PKP1: variants seen among roughly 807,000 people sequenced by gnomAD.
The protein encoded by PKP1 is plakophilin-1.
Under a neutral mutation model 76.4 loss-of-function variants are expected in PKP1, and 27 were observed. That is an observed-to-expected ratio of 0.35 (90% CI 0.26 to 0.49). The LOEUF is 0.49. Among genes scored for constraint, PKP1 ranks in the 20% least tolerant of loss-of-function variants. The pLI is 0.99. For synonymous variants in PKP1, 404 were observed against 384.2 expected (o/e 1.05, Z -0.60); for missense variants, 964 against 955.2 (o/e 1.01, Z -0.12).
intron 6 of PKP1, 73 bp downstream of exon 6, chr1:201,318,868 A>G (rs1656852687): frequency 7.7e-7 from 1 of 1,298,382 alleles, no homozygotes. Context: ...CATCTCAGCC[A>G]ACATTCAGCC....
At chr1:201,324,710 GAC>G in intron 10 of PKP1, 129 bp downstream of exon 10, 1 of 1,238,806 alleles carries the variant, frequency 8.1e-7, no homozygotes, top group Non-Finnish European at 1.2e-6. Context: ...GCTGGCCAAA[GAC>G]AGGTATGGAG....
chr1:201,306,847 GT>G (rs56249934), intron 2 of PKP1, among the ~76,000 whole-genome samples: 134,827 of 151,670 alleles, frequency 0.89, 60,395 homozygotes, highest in East Asian at 1. Flanking sequence ...GCTACTTTTT[GT>G]TTTTTTTGTA....
At chr1:201,297,465 G>T (rs1656108100) in intron 2 of PKP1, among the ~76,000 whole-genome samples, 1 of 152,158 alleles carries the variant, frequency 6.6e-6, no homozygotes, top group Admixed American at 6.5e-5. Flanking sequence ...CTGGTTCTCA[G>T]CACCAAACCT....
In PKP1 at chr1:201,297,335, T is replaced by G. The variant is rs79381519; in HGVS notation, c.306+3290T>G. On this transcript the variant is annotated intron_variant, in intron 2 of 13. Coordinates refer to ENST00000367324, the MANE Select transcript of PKP1 (RefSeq NM_001005337.3). ...AGAAGGATCTGCTGGAGGACAATGT[T>G]GGAACCTCAGAGCCCCACAGACCTC... Among the ~76,000 whole-genome samples the G allele has an allele frequency of 7.8e-3, 1,183 of 152,220 alleles. 6 individuals carry two copies. Among genetic ancestry groups the G allele is most frequent in the African/African-American group, 0.027 (1,127 of 41,548 alleles).
At chr1:201,301,346 G>A (rs980568817) in intron 2 of PKP1, among the ~76,000 whole-genome samples, 2 of 150,706 alleles carry the variant, frequency 1.3e-5, no homozygotes, top group Non-Finnish European at 2.9e-5. Flanking sequence ...GATGTCTGCA[G>A]GAAGGAACTC....
At chr1:201,288,349 C>T (rs1157250912) in intron 1 of PKP1, among the ~76,000 whole-genome samples, 4 of 152,230 alleles carry the variant, frequency 2.6e-5, no homozygotes, top group Non-Finnish European at 5.9e-5. Flanking sequence ...CTCTCGTAAA[C>T]ATCCTAACAT....
intron 1 of PKP1, among the ~76,000 whole-genome samples, chr1:201,292,668 C>T (rs1225416364): frequency 6.6e-6 from 1 of 152,204 alleles, no homozygotes; most frequent in African/African-American, 2.4e-5. Context: ...GAGGAGCTAC[C>T]TTGGCTGGGT....
At chr1:201,294,487 A>G (rs1369764867) in intron 2 of PKP1, among the ~76,000 whole-genome samples, 1 of 152,212 alleles carries the variant, frequency 6.6e-6, no homozygotes, top group Non-Finnish European at 1.5e-5. Context: ...TGCATATGAC[A>G]CTGCATGCTA....
intron 12 of PKP1, among the ~76,000 whole-genome samples, chr1:201,327,294 G>T (rs1657155940): frequency 6.6e-6 from 1 of 152,192 alleles, no homozygotes; most frequent in South Asian, 2.1e-4. Context: ...GAAGCCTGGG[G>T]ATTGGTTGAG....
At chr1:201,302,548 C>T (rs1013772717) in intron 2 of PKP1, among the ~76,000 whole-genome samples, 2 of 152,208 alleles carry the variant, frequency 1.3e-5, no homozygotes, top group Non-Finnish European at 2.9e-5. Flanking sequence ...CAGAATTTCC[C>T]AAGCGGGTGG....
rs1307135760 is a variant in PKP1 at position 201,320,285 on chromosome 1, T to A, written c.1251T>A (p.Asp417Glu). 1 of 1,612,272 alleles carries A rather than the reference T, an allele frequency of 6.2e-7. No individual in the cohort carries two copies. The highest frequency in any genetic ancestry group is 1.7e-5 in the Admixed American group (1 of 60,006). Residue 417 changes from aspartate (D) to glutamate (E), a missense_variant, in exon 7 of 14, where the codon GAT (aspartate) becomes GAA (glutamate). Transcript: ENST00000367324. ...TGCLRNLSSA[D>E]AGRQTMRNYS... ...CCCCCAGGAACCTGAGCTCGGCCGATGCAGGCCGCCAGACCATGCGTAACT... is the reference window on the plus strand; with the variant it reads ...CCCCCAGGAACCTGAGCTCGGCCGAAGCAGGCCGCCAGACCATGCGTAACT...
chr1:201,302,982 A>G (rs1656280506), intron 2 of PKP1, among the ~76,000 whole-genome samples: 1 of 152,210 alleles, frequency 6.6e-6, no homozygotes, highest in African/African-American at 2.4e-5. Context: ...GGAGACCAAG[A>G]CTGGAGCATG....
In PKP1 at chr1:201,322,076, C is replaced by T. The variant is rs146580475; in HGVS notation, c.1446C>T (p.Asn482=). The change falls in exon 8 of 14, where the codon AAC becomes AAT. Residue 482 remains asparagine (N), a synonymous_variant. Coordinates refer to ENST00000367324, the MANE Select transcript of PKP1 (RefSeq NM_001005337.3). ...GCCAGCTGGAGTATAACGCCCGCAA[C>T]GCCTACACCGAGAAGTCCTCCACTG... ...RYRQLEYNAR[N]AYTEKSSTGC... The T allele has an allele frequency of 6.1e-5, 98 of 1,613,150 alleles. No homozygotes were observed. The highest frequency in any genetic ancestry group is 7.8e-5 in the Non-Finnish European group (92 of 1,179,994).
chr1:201,308,488 A>C (rs1254619913), intron 2 of PKP1, among the ~76,000 whole-genome samples: 1 of 152,226 alleles, frequency 6.6e-6, no homozygotes, highest in Non-Finnish European at 1.5e-5. Context: ...CCCTGGCTTT[A>C]AGGGCAAATA....
chr1:201,325,796 T>A lies in PKP1; in HGVS notation c.2064T>A (p.Ser688=). 1 of 1,614,090 alleles carries A rather than the reference T, an allele frequency of 6.2e-7. No individual in the cohort carries two copies. ...KAAEAARLLL[S]DMWSSKELQG... is the part of the protein sequence containing the mutation. ...CAGAAGCTGCCCGGCTTCTCCTGTCTGACATGTGGTCCAGCAAGGAACTGC... is the reference window on the plus strand; with the variant it reads ...CAGAAGCTGCCCGGCTTCTCCTGTCAGACATGTGGTCCAGCAAGGAACTGC... The change falls in exon 12 of 14, where the codon TCT becomes TCA. Residue 688 remains serine, a synonymous_variant. Coordinates refer to ENST00000367324, the MANE Select transcript of PKP1 (RefSeq NM_001005337.3).
intron 1 of PKP1, among the ~76,000 whole-genome samples, chr1:201,288,151 G>T (rs760312572): frequency 6.6e-6 from 1 of 152,130 alleles, no homozygotes; most frequent in African/African-American, 2.4e-5. Context: ...TGGACAAGTC[G>T]CTGCCTCTCT....
At chr1:201,288,139 CTTGGACAAGTCGCTGCCTCTCT>C (rs1326423887) in intron 1 of PKP1, among the ~76,000 whole-genome samples, 2 of 152,194 alleles carry the variant, frequency 1.3e-5, no homozygotes, top group Non-Finnish European at 2.9e-5. Flanking sequence ...GGTGTGCGAT[CTTGGACAAGTCGCTGCCTCTCT>C]TTGGGTCTCT....
intron 5 of PKP1, 35 bp downstream of exon 5, chr1:201,317,814 G>A: frequency 6.3e-7 from 1 of 1,585,164 alleles, no homozygotes; most frequent in South Asian, 1.1e-5. Context: ...CCAGCCTGAG[G>A]GCTGTGCAAG....
At chr1:201,321,384 G>A (rs754424304) in intron 7 of PKP1, among the ~76,000 whole-genome samples, 1 of 152,134 alleles carries the variant, frequency 6.6e-6, no homozygotes, top group African/African-American at 2.4e-5. Flanking sequence ...TTTGCCAAAG[G>A]AGATTGACAA....
Sources: gnomAD v4.1 joint callset for allele counts (sites outside exome capture counted in the v4.1 genomes callset) on GRCh38, gnomAD v4.1.1 for gene constraint, MANE v1.5 for transcripts, NCBI Gene and HGNC (gene_info 2026-07-23, HGNC 2026-07-21) for gene names.